Variants in IZUMO3 observed in about 807,000 individuals in gnomAD.
The protein encoded by IZUMO3 is IZUMO family member 3.
IZUMO3 carries 36 observed loss-of-function variants against 28.4 expected under a neutral mutation model. The observed-to-expected ratio is 1.27, with a 90% CI of 0.97 to 1.67. IZUMO3 has a LOEUF of 1.67. Ranked by LOEUF, IZUMO3 falls within the 40% of genes most tolerant of loss-of-function variation. IZUMO3 has a pLI of 0.00. For synonymous variants in IZUMO3, 126 were observed against 99.2 expected (o/e 1.27, Z -1.61); for missense variants, 387 against 278.5 (o/e 1.39, Z -2.77).
In IZUMO3 at chr9:24,544,227, C is replaced by A; in HGVS notation, c.464G>T (p.Arg155Met). Residue 155 changes from arginine (R) to methionine (M), a missense_variant, in exon 5 of 7, where the codon AGG becomes ATG. Coordinates refer to ENST00000543880, the MANE Select transcript of IZUMO3 (RefSeq NM_001365008.2). ...TCCACAATATTCTCCTTTGAAGCAC[C>A]TGTTAGTCATGCGAAGACACGTCCA... Reference protein sequence around the residue: ...DCWTCLRMTNRCFKGEYCGDE... With the variant: ...DCWTCLRMTNMCFKGEYCGDE... 1.3e-6 allele frequency: 2 copies of A among 1,550,046 alleles called. No homozygotes were observed.
In IZUMO3 at chr9:24,545,867, C is replaced by A. The variant is rs751673355; in HGVS notation, c.-218G>T. 6.0e-5 allele frequency: 91 copies of A among 1,517,142 alleles called. No individual in the cohort carries two copies. The highest frequency in any genetic ancestry group is 7.7e-5 in the Non-Finnish European group (87 of 1,126,858). The allele number at this position is 1,517,142 out of a possible 1,614,324, so 94.0% of individuals were successfully genotyped here. On this transcript the variant is annotated 5_prime_UTR_variant, in exon 1 of 7. Transcript: ENST00000543880. ...TTATCCTTCATTCTAGGAGAGGGAA[C>A]TGCCAGCTGGGGAGCGGATACCTGA...
In IZUMO3 at chr9:24,543,331, C is replaced by G; in HGVS notation, c.618G>C (p.Lys206Asn). 1 of 1,544,702 alleles carries G rather than the reference C, an allele frequency of 6.5e-7. No individual in the cohort carries two copies. ...HFCIFHRRKM[K>N]AIRRSLKEYV... Reference sequence around the variant, plus strand: ...ATTCCTTTAGCGACCTTCGTATTGCCTTCATTTTCCTCCGATGAAAGATGC... The same window carrying G: ...ATTCCTTTAGCGACCTTCGTATTGCGTTCATTTTCCTCCGATGAAAGATGC... The change falls in exon 7 of 7, where the codon AAG becomes AAC. Residue 206 changes from lysine to asparagine, a missense_variant. Lys to Asn is a moderately conservative substitution (Grantham distance 94). Transcript: ENST00000543880.
At position 24,545,473 on chromosome 9, in the gene IZUMO3, A is replaced by C; in HGVS notation, c.177T>G (p.Ile59Met). Residue 59 changes from isoleucine to methionine, a missense_variant, in exon 1 of 7, where the codon ATT becomes ATG. By Grantham distance (10) the Ile-to-Met change is conservative (BLOSUM62 1). Transcript: ENST00000543880. ...QLLERQIKEM[I>M]HLSFKVSHSD... ...TGTGGGAGACCTTGAAGCTTAAATG[A>C]ATCATCTCCTTAATCTGCCGTTCAA... 1 of 1,536,102 alleles carries C rather than the reference A, an allele frequency of 6.5e-7. No individual in the cohort carries two copies. Among genetic ancestry groups the C allele is most frequent in the Non-Finnish European group, 8.7e-7 (1 of 1,146,718 alleles).
intron 1 of IZUMO3, 52 bp from the exon 2 acceptor site, chr9:24,545,338 G>C (rs1245972004): frequency 1.3e-6 from 2 of 1,547,440 alleles, no homozygotes; most frequent in East Asian, 4.9e-5. Context: ...ATCTATGCAG[G>C]AAGTTATGTA....
At position 24,544,238 on chromosome 9, in the gene IZUMO3, G is replaced by T. The variant is rs1451146673; in HGVS notation, c.453C>A (p.Arg151=). ...CTCCTTTGAAGCACCTGTTAGTCAT[G>T]CGAAGACACGTCCAACAATCAAGAA... is the stretch of plus-strand genomic sequence containing the variant. The part of the protein sequence containing the change: ...GPILDCWTCL[R]MTNRCFKGEY... The change falls in exon 5 of 7, where the codon CGC becomes CGA. Residue 151 remains arginine (R), a synonymous_variant. Transcript: ENST00000543880. 2 of 1,550,122 alleles carry T rather than the reference G, an allele frequency of 1.3e-6. No homozygotes were observed. Among genetic ancestry groups the T allele is most frequent in the Non-Finnish European group, 1.7e-6 (2 of 1,146,554 alleles).
At chr9:24,544,679 A>G (rs1208885505) in intron 4 of IZUMO3, 64 bp downstream of exon 4, 3 of 1,436,090 alleles carry the variant, frequency 2.1e-6, no homozygotes, top group Non-Finnish European at 2.9e-6. Flanking sequence ...ATAGGGCCAT[A>G]TAGAGCAAAG....
In IZUMO3 at chr9:24,543,018, T is replaced by C; in HGVS notation, c.*211A>G. On this transcript the variant is annotated 3_prime_UTR_variant, in exon 7 of 7. Transcript: ENST00000543880. The stretch of plus-strand genomic sequence containing the variant: ...GTGCATTGCAACATACCAGCATTAC[T>C]TTCTGTACAACTCTGGCCAAATTAT... 4.8e-6 allele frequency: 2 copies of C among 416,744 alleles called. No individual in the cohort carries two copies. The highest frequency in any genetic ancestry group is 8.4e-6 in the Non-Finnish European group (2 of 237,548). 25.8% of individuals were successfully genotyped at this position (416,744 alleles called of 1,614,324 possible). A position where few individuals can be genotyped will look rare whatever the true frequency, so the allele number is the denominator to read the frequency against.
intron 1 of IZUMO3, 66 bp from the exon 2 acceptor site, chr9:24,545,352 C>G (rs957059485): frequency 3.2e-6 from 5 of 1,546,482 alleles, no homozygotes; most frequent in African/African-American, 2.7e-5. Context: ...TTATGTAGAC[C>G]CAGGTGTTCT....
rs77090215 is a variant in IZUMO3 at position 24,544,586 on chromosome 9, G to C, written c.409+157C>G. Among the ~76,000 whole-genome samples, 171 of 152,238 alleles carry C rather than the reference G, an allele frequency of 1.1e-3. 1 individual carries two copies. Among genetic ancestry groups the C allele is most frequent in the African/African-American group, 3.8e-3 (159 of 41,544 alleles). On this transcript the variant is annotated intron_variant, in intron 4 of 6. Coordinates refer to ENST00000543880, the MANE Select transcript of IZUMO3 (RefSeq NM_001365008.2). ...GGGGTGTCTGAGATTTCATGAGCTA[G>C]GTTTCGTTATCAGGTATTGTTGACG... is the stretch of plus-strand genomic sequence containing the variant.
chr9:24,545,252 C>T lies in IZUMO3; in HGVS notation c.261G>A (p.Leu87=). 6.4e-7 allele frequency: 1 copy of T among 1,550,394 alleles called. No homozygotes were observed. The highest frequency in any genetic ancestry group is 2.4e-5 in the East Asian group (1 of 40,908). ...TGCCCAGTTTATAAAATTCATTCTT[C>T]AACCATGTTCTCAACTTAACAACCT... ...VQQVVKLRTW[L]KNEFYKLGNE... Residue 87 remains leucine, a synonymous_variant, in exon 2 of 7, where the codon TTG becomes TTA. Coordinates refer to ENST00000543880, the MANE Select transcript of IZUMO3 (RefSeq NM_001365008.2).
At chr9:24,544,417 C>A in intron 4 of IZUMO3, 136 bp from the exon 5 acceptor site, 1 of 701,328 alleles carries the variant, frequency 1.4e-6, no homozygotes, top group South Asian at 1.8e-5. Context: ...ATTTCTTCTT[C>A]TCCTAGAAAT....
Position 24,544,730 on chromosome 9 carries a change from G to C in IZUMO3, c.409+13C>G. 2 of 1,549,302 alleles carry C rather than the reference G, an allele frequency of 1.3e-6. No homozygotes were observed. The highest frequency in any genetic ancestry group is 1.7e-6 in the Non-Finnish European group (2 of 1,145,922). On this transcript the variant is annotated intron_variant, in intron 4 of 6. Coordinates refer to ENST00000543880, the MANE Select transcript of IZUMO3 (RefSeq NM_001365008.2). ...GGGCTGAAACCTCAAGGCGTCACATGTACTGTACTCACTGCAATCTTCAGA... is the reference window on the plus strand; with the variant it reads ...GGGCTGAAACCTCAAGGCGTCACATCTACTGTACTCACTGCAATCTTCAGA...
At chr9:24,543,487 C>A in intron 6 of IZUMO3, 120 bp from the exon 7 acceptor site, 1 of 285,744 alleles carries the variant, frequency 3.5e-6, no homozygotes, top group Non-Finnish European at 4.6e-6. Flanking sequence ...GATACTTCTC[C>A]ATTTCCTTTT....
rs763582796 is a variant in IZUMO3, at chr9:24,545,219, T to C, written c.294A>G (p.Thr98=). 7 of 1,549,890 alleles carry C rather than the reference T, an allele frequency of 4.5e-6. No homozygotes were observed. The highest frequency in any genetic ancestry group is 1.7e-4 in the Middle Eastern group (1 of 5,990). Residue 98 remains threonine, a synonymous_variant, in exon 2 of 7, where the codon ACA becomes ACG. Coordinates refer to ENST00000543880, the MANE Select transcript of IZUMO3 (RefSeq NM_001365008.2). ...KNEFYKLGNE[T]WKGVFIYQGK... is the part of the protein sequence containing the mutation. ...ATTGAAACAGTACCTCACCTTTCCA[T>C]GTTTCATTGCCCAGTTTATAAAATT... is the stretch of plus-strand genomic sequence containing the variant.
chr9:24,543,124 A>G lies in IZUMO3; in HGVS notation c.*105T>C. ...AAACTCTAAGTTCTATTTCAGTTTT[A>G]AAATACTATGACTTTATGACCAAGA... On this transcript the variant is annotated 3_prime_UTR_variant, in exon 7 of 7. Transcript: ENST00000543880. 3 of 897,384 alleles carry G rather than the reference A, an allele frequency of 3.3e-6. No individual in the cohort carries two copies. In the South Asian group the frequency reaches 8.4e-5, roughly 25 times the overall value. 55.6% of individuals were successfully genotyped at this position (897,384 alleles called of 1,614,324 possible).
At position 24,543,207 on chromosome 9, in the gene IZUMO3, CT is replaced by C. The variant is rs1177910209; in HGVS notation, c.*21del. On this transcript the variant is annotated 3_prime_UTR_variant, in exon 7 of 7. Coordinates refer to ENST00000543880, the MANE Select transcript of IZUMO3 (RefSeq NM_001365008.2). ...CAACACTTAAGAGAATCATGAAAGA[CT>C]TCTTGTCCATGTTGATGTGTTTATT... 2 of 1,526,122 alleles carry C rather than the reference CT, an allele frequency of 1.3e-6. No individual in the cohort carries two copies. The highest frequency in any genetic ancestry group is 2.5e-5 in the East Asian group (1 of 39,798). 94.5% of individuals were successfully genotyped at this position (1,526,122 alleles called of 1,614,324 possible).
At position 24,545,296 on chromosome 9, in the gene IZUMO3, G is replaced by A; in HGVS notation, c.227-10C>T. On this transcript the variant is annotated splice_polypyrimidine_tract_variant and intron_variant, in intron 1 of 6. Transcript: ENST00000543880. ...ACAACCTGCTGAACAGCTAGAGAGG[G>A]AGAGTAAAGGTACATGTAGGGGAAT... 6.5e-7 allele frequency: 1 copy of A among 1,549,588 alleles called. No homozygotes were observed. The highest frequency in any genetic ancestry group is 1.7e-4 in the Middle Eastern group (1 of 5,986).
chr9:24,545,603 T>A lies in IZUMO3; in HGVS notation c.47A>T (p.His16Leu). Residue 16 changes from histidine to leucine, a missense_variant, in exon 1 of 7, where the codon CAT becomes CTT. His to Leu is a moderately conservative substitution (Grantham distance 99). Coordinates refer to ENST00000543880, the MANE Select transcript of IZUMO3 (RefSeq NM_001365008.2). Reference protein sequence around the residue: ...LFLLLPLSAFHGVKGCLECDP... With the variant: ...LFLLLPLSAFLGVKGCLECDP... Reference sequence around the variant, plus strand: ...ACATTCTAAACAGCCTTTGACTCCATGGAAGGCTGAGAGGGGCAGGAGCAG... The same window carrying A: ...ACATTCTAAACAGCCTTTGACTCCAAGGAAGGCTGAGAGGGGCAGGAGCAG... 1 of 1,535,394 alleles carries A rather than the reference T, an allele frequency of 6.5e-7. No homozygotes were observed. The highest frequency in any genetic ancestry group is 8.7e-7 in the Non-Finnish European group (1 of 1,146,696).
rs1819514249 is a variant in IZUMO3 at position 24,543,685 on chromosome 9, A to G, written c.560T>C (p.Ile187Thr). 6.5e-7 allele frequency: 1 copy of G among 1,547,336 alleles called. No homozygotes were observed. The highest frequency in any genetic ancestry group is 1.4e-5 in the African/African-American group (1 of 72,938). ...TCACAGTAACACAGCACTTCCCAGTATTACAGCTGTTGCCAGCAATATGAG... is the reference window on the plus strand; with the variant it reads ...TCACAGTAACACAGCACTTCCCAGTGTTACAGCTGTTGCCAGCAATATGAG... ...LFLILLATAVILGSAVLLFHF... is the reference protein window; with the variant it reads ...LFLILLATAVTLGSAVLLFHF... Residue 187 changes from isoleucine (I) to threonine (T), a missense_variant, in exon 6 of 7, where the codon ATA (isoleucine) becomes ACA (threonine). Ile to Thr is a moderately conservative substitution (Grantham distance 89, BLOSUM62 -1). Transcript: ENST00000543880.
Sources: gnomAD v4.1 joint callset for allele counts (sites outside exome capture counted in the v4.1 genomes callset) on GRCh38, gnomAD v4.1.1 for gene constraint, MANE v1.5 for transcripts, NCBI Gene and HGNC (gene_info 2026-07-23, HGNC 2026-07-21) for gene names.